KLHDC4: variants seen among roughly 807,000 people sequenced by gnomAD.
The protein encoded by KLHDC4 is kelch domain-containing protein 4.
KLHDC4 carries 90 observed loss-of-function variants against 62.4 expected under a neutral mutation model. The observed-to-expected ratio is 1.44, with a 90% CI of 1.22 to 1.72. KLHDC4 has a LOEUF of 1.72. KLHDC4 is among the 40% of genes most tolerant of loss of function. The pLI is 0.00. For missense variants in KLHDC4, 1,025 were observed against 699.7 expected (o/e 1.47, Z -5.25); for synonymous variants, 386 against 284.4 (o/e 1.36, Z -3.59).
chr16:87,730,249 C>T (rs949343973), intron 6 of KLHDC4, among the ~76,000 whole-genome samples: 1 of 152,274 alleles, frequency 6.6e-6, no homozygotes, highest in African/African-American at 2.4e-5. Flanking sequence ...GCACCATGCC[C>T]AGCCAAAACC....
intron 4 of KLHDC4, among the ~76,000 whole-genome samples, chr16:87,749,308 C>T (rs956495402): frequency 1.3e-5 from 2 of 152,090 alleles, no homozygotes; most frequent in Admixed American, 6.6e-5. Context: ...GTAATCCCAG[C>T]ACTTCGGGAG....
At chr16:87,728,303 A>C (rs1478575862) in intron 6 of KLHDC4, among the ~76,000 whole-genome samples, 1 of 152,250 alleles carries the variant, frequency 6.6e-6, no homozygotes, top group Non-Finnish European at 1.5e-5. Flanking sequence ...GAAATGTGGA[A>C]GCGTGTAATC....
At chr16:87,732,420 A>C (rs946969357) in intron 5 of KLHDC4, among the ~76,000 whole-genome samples, 2 of 152,332 alleles carry the variant, frequency 1.3e-5, no homozygotes, top group African/African-American at 2.4e-5. Flanking sequence ...CTTAACACTC[A>C]TCTAAGTGTA....
chr16:87,750,238 T>A (rs1454389482), intron 4 of KLHDC4: 1 of 152,162 alleles, frequency 6.6e-6, no homozygotes, highest in East Asian at 1.9e-4. Flanking sequence ...CCTCCAAACC[T>A]GCAAATTAAG....
intron 9 of KLHDC4, 183 bp downstream of exon 9, chr16:87,711,052 G>A (rs112370167): frequency 5.7e-5 from 35 of 613,842 alleles, no homozygotes; most frequent in South Asian, 4.5e-4. Context: ...TAAGGGGACC[G>A]TGACCAAGGG....
At chr16:87,717,944 C>G (rs576307047) in intron 7 of KLHDC4, among the ~76,000 whole-genome samples, 2 of 152,288 alleles carry the variant, frequency 1.3e-5, no homozygotes, top group African/African-American at 4.8e-5. Context: ...TACTTCCCCT[C>G]CAGACCATGC....
At chr16:87,717,306 C>A (rs1024535092) in intron 7 of KLHDC4, among the ~76,000 whole-genome samples, 1 of 152,186 alleles carries the variant, frequency 6.6e-6, no homozygotes, top group African/African-American at 2.4e-5. Context: ...GTTTCTAGGC[C>A]GTCCCATCTG....
Position 87,762,008 on chromosome 16 carries a change from C to G in KLHDC4, c.132G>C (p.Gln44His), listed in dbSNP as rs1203415649. The part of the protein sequence containing the change: ...EDLEALIAHF[Q>H]TLDAKRTQTV... Reference sequence around the variant, plus strand: ...TCTGAGTCCTCTTGGCATCGAGTGTCTGGAAATGGGCTATGAGCGCTTCCA... The same window carrying G: ...TCTGAGTCCTCTTGGCATCGAGTGTGTGGAAATGGGCTATGAGCGCTTCCA... The change falls in exon 2 of 12, where the codon CAG becomes CAC. Residue 44 changes from glutamine to histidine, a missense_variant. Coordinates refer to ENST00000270583, the MANE Select transcript of KLHDC4 (RefSeq NM_017566.4). 6.2e-6 allele frequency: 10 copies of G among 1,613,986 alleles called. No homozygotes were observed. Among genetic ancestry groups the G allele is most frequent in the Non-Finnish European group, 8.5e-6 (10 of 1,179,962 alleles).
At chr16:87,746,950 C>A (rs557837039) in intron 5 of KLHDC4, among the ~76,000 whole-genome samples, 1 of 152,336 alleles carries the variant, frequency 6.6e-6, no homozygotes, top group African/African-American at 2.4e-5. Context: ...CGCGTACGAC[C>A]GAGCCTGCAG....
chr16:87,712,009 G>C (rs563631580), intron 8 of KLHDC4, among the ~76,000 whole-genome samples: 34 of 151,738 alleles, frequency 2.2e-4, no homozygotes, highest in Non-Finnish European at 4.0e-4. Context: ...GCCGCCCTTG[G>C]GCCTGCACGG....
chr16:87,706,446 G>A (rs1373884604), downstream of KLHDC4, among the ~76,000 whole-genome samples: 4 of 148,922 alleles, frequency 2.7e-5, no homozygotes, highest in African/African-American at 5.0e-5. Flanking sequence ...GGCGGAGGGG[G>A]CCGGCACAAC....
chr16:87,722,768 T>G (rs1387940104), intron 7 of KLHDC4, among the ~76,000 whole-genome samples: 1 of 152,208 alleles, frequency 6.6e-6, no homozygotes, highest in Non-Finnish European at 1.5e-5. Flanking sequence ...TGCAGGTCAC[T>G]CCAGCTGCTG....
intron 9 of KLHDC4, chr16:87,711,034 G>A (rs930213665): frequency 2.5e-5 from 15 of 591,182 alleles, no homozygotes; most frequent in Non-Finnish European, 3.9e-5. Flanking sequence ...CCAGCATCCA[G>A]GACAGACTAA....
chr16:87,747,190 C>T (rs1482400811), intron 5 of KLHDC4, among the ~76,000 whole-genome samples: 1 of 152,254 alleles, frequency 6.6e-6, no homozygotes, highest in African/African-American at 2.4e-5. Flanking sequence ...CACAGAGGCA[C>T]CGGAGCCAAC....
intron 2 of KLHDC4, among the ~76,000 whole-genome samples, chr16:87,757,119 G>A (rs1038022455): frequency 3.3e-5 from 5 of 151,712 alleles, no homozygotes; most frequent in Admixed American, 2.0e-4. Context: ...CTGGACCTCA[G>A]AACTGTCCTC....
At chr16:87,717,464 T>C (rs780697094) in intron 7 of KLHDC4, among the ~76,000 whole-genome samples, 2 of 152,174 alleles carry the variant, frequency 1.3e-5, no homozygotes, top group African/African-American at 2.4e-5. Flanking sequence ...TGGGCCTGAG[T>C]GTCCTAAAAC....
intron 4 of KLHDC4, 92 bp from the exon 5 acceptor site, chr16:87,748,901 A>C: frequency 2.1e-6 from 3 of 1,428,476 alleles, no homozygotes; most frequent in South Asian, 1.4e-5. Context: ...CTTCAGTACT[A>C]TCTCGGATGC....
chr16:87,748,156 C>T (rs1026772223), intron 5 of KLHDC4, among the ~76,000 whole-genome samples: 1 of 152,224 alleles, frequency 6.6e-6, no homozygotes, highest in Non-Finnish European at 1.5e-5. Context: ...GGTAAACATG[C>T]ATCAGAAACC....
At chr16:87,704,139 C>G (rs1310265653), downstream of KLHDC4, among the ~76,000 whole-genome samples, 1 of 152,254 alleles carries the variant, frequency 6.6e-6, no homozygotes, top group Non-Finnish European at 1.5e-5. Context: ...TGGAAACCAT[C>G]AAGCACACGG....
Sources: allele counts gnomAD v4.1 joint callset (sites outside exome capture counted in the v4.1 genomes callset), GRCh38; gene constraint gnomAD v4.1.1; transcripts MANE v1.5; gene names NCBI Gene and HGNC (gene_info 2026-07-23, HGNC 2026-07-21).